The following TMEM236 variants were observed in gnomAD, a reference collection of about 807,000 sequenced individuals.
TMEM236 encodes transmembrane protein 236, also known as family with sequence similarity 23, member A.
A neutral mutation model predicts 14.7 loss-of-function variants in TMEM236; 11 were observed. The ratio of observed to expected loss-of-function variants is 0.75; its 90% CI spans 0.47 to 1.24. The LOEUF (loss-of-function observed/expected upper bound fraction) is 1.24, where lower values mean the gene tolerates loss of function less well. Among genes scored for constraint, TMEM236 ranks in the 50% most tolerant of loss-of-function variants. The probability of loss-of-function intolerance (pLI) is 0.00; values close to 1 mark genes in which losing one functional copy is unlikely to be tolerated. For synonymous variants in TMEM236, 182 were observed against 168.6 expected, an observed-to-expected ratio of 1.08 and a Z score of -0.62; for missense variants, 464 against 427.3, an observed-to-expected ratio of 1.09 and a Z score of -0.76.
At chr10:17,771,485 A>G (rs567423970) in intron 2 of TMEM236, 104 bp downstream of exon 2, 35 of 1,063,888 alleles carry the variant, frequency 3.3e-5, no homozygotes, top group Admixed American at 2.4e-4. Context: ...CTTGACATCT[A>G]TGTAATCCAA....
At chr10:17,766,373 C>A (rs1365503376) in intron 1 of TMEM236, among the ~76,000 whole-genome samples, 1 of 152,154 alleles carries the variant, frequency 6.6e-6, no homozygotes, top group Admixed American at 6.5e-5. Context: ...ATATGTTCCT[C>A]ATTTCCATCT....
intron 3 of TMEM236, among the ~76,000 whole-genome samples, chr10:17,781,763 A>T (rs922469487): frequency 6.6e-6 from 1 of 150,736 alleles, no homozygotes; most frequent in Non-Finnish European, 1.5e-5. Flanking sequence ...AAAAAAAAAA[A>T]AAAGGAAAGA....
At chr10:17,755,701 T>A (rs1837275268) in intron 1 of TMEM236, among the ~76,000 whole-genome samples, 1 of 151,996 alleles carries the variant, frequency 6.6e-6, no homozygotes, top group Non-Finnish European at 1.5e-5. Context: ...GGGTTGGAAT[T>A]TTGAGGGAAT....
intron 1 of TMEM236, among the ~76,000 whole-genome samples, chr10:17,757,925 C>G (rs1034642085): frequency 6.6e-6 from 1 of 151,890 alleles, no homozygotes; most frequent in Non-Finnish European, 1.5e-5. Flanking sequence ...TGCGCCACCA[C>G]GCCTGGCTAA....
Position 17,799,775 on chromosome 10 carries a change from T to C in TMEM236, c.*3271T>C, listed in dbSNP as rs969330591. 33 of 152,668 alleles carry C rather than the reference T, an allele frequency of 2.2e-4. 1 individual carries two copies. Among genetic ancestry groups the C allele is most frequent in the African/African-American group, 6.5e-4 (27 of 41,548 alleles). 9.5% of individuals were successfully genotyped at this position (152,668 alleles called of 1,614,324 possible). ...GCTCAGATAAACTCAAAAGTATTAC[T>C]TGAGTTTAGAATGCATTTTGTATCT... On this transcript the variant is annotated 3_prime_UTR_variant, in exon 4 of 4. Coordinates refer to ENST00000377495, the MANE Select transcript of TMEM236 (RefSeq NM_001098844.3).
chr10:17,777,848 C>T (rs2131754483), intron 3 of TMEM236, among the ~76,000 whole-genome samples: 1 of 152,224 alleles, frequency 6.6e-6, no homozygotes, highest in South Asian at 2.1e-4. Flanking sequence ...AAGCAATTCT[C>T]CTGCCTCAGC....
At position 17,796,079 on chromosome 10, in the gene TMEM236, G is replaced by A; in HGVS notation, c.631G>A (p.Val211Met). ...AGCCATGACACGGAGCCAGGAGTCT[G>A]TGTTCATGGGACCCCAGGAGCCCTC... ...SGAMTRSQESVFMGPQEPSCD... is the reference protein window; with the variant it reads ...SGAMTRSQESMFMGPQEPSCD... Residue 211 changes from valine to methionine, a missense_variant, in exon 4 of 4, where the codon GTG becomes ATG. Coordinates refer to ENST00000377495, the MANE Select transcript of TMEM236 (RefSeq NM_001098844.3). 2 of 1,613,876 alleles carry A rather than the reference G, an allele frequency of 1.2e-6. No homozygotes were observed. Among genetic ancestry groups the A allele is most frequent in the South Asian group, 2.2e-5 (2 of 91,064 alleles).
In TMEM236 at chr10:17,771,329, G is replaced by A; in HGVS notation, c.278G>A (p.Cys93Tyr). The A allele has an allele frequency of 6.2e-7, 1 of 1,613,942 alleles. No individual in the cohort carries two copies. The highest frequency in any genetic ancestry group is 2.2e-5 in the East Asian group (1 of 44,876). Residue 93 changes from cysteine to tyrosine, a missense_variant, in exon 2 of 4, where the codon TGT (cysteine) becomes TAT (tyrosine). Coordinates refer to ENST00000377495, the MANE Select transcript of TMEM236 (RefSeq NM_001098844.3). ...IKGWRPVLMM[C>Y]VVLTTLPCLT... ...GCTAGGAGACCTGTTCTGATGATGT[G>A]TGTGGTCCTCACCACACTGCCCTGC...
Position 17,800,822 on chromosome 10 carries a change from A to G in TMEM236, c.*4318A>G, listed in dbSNP as rs1838082467. The G allele has an allele frequency of 6.6e-6, 1 of 152,252 alleles. No homozygotes were observed. The highest frequency in any genetic ancestry group is 2.4e-5 in the African/African-American group (1 of 41,474). 9.4% of individuals were successfully genotyped at this position (152,252 alleles called of 1,614,324 possible). A position where few individuals can be genotyped will look rare whatever the true frequency, so the allele number is the denominator to read the frequency against. ...AATGGCTAAAGACATTTTGTTTTAC[A>G]ATGGGGCTGTTTTTACATGTTAATT... On this transcript the variant is annotated 3_prime_UTR_variant, in exon 4 of 4. Coordinates refer to ENST00000377495, the MANE Select transcript of TMEM236 (RefSeq NM_001098844.3).
Position 17,776,011 on chromosome 10 carries a change from A to C in TMEM236, c.331-18A>C. 3 of 1,613,818 alleles carry C rather than the reference A, an allele frequency of 1.9e-6. No individual in the cohort carries two copies. In the East Asian group the frequency reaches 6.7e-5, roughly 36 times the overall value. Reference sequence around the variant, plus strand: ...AAGCACAATAATTTAATGCTTGTAAATGGTTTTCTCTAAACAGGTTCAAAA... The same window carrying C: ...AAGCACAATAATTTAATGCTTGTAACTGGTTTTCTCTAAACAGGTTCAAAA... On this transcript the variant is annotated intron_variant, in intron 2 of 3. Coordinates refer to ENST00000377495, the MANE Select transcript of TMEM236 (RefSeq NM_001098844.3).
chr10:17,771,139 G>A (rs1032926574), intron 1 of TMEM236, 170 bp from the exon 2 acceptor site: 9 of 641,892 alleles, frequency 1.4e-5, no homozygotes, highest in Non-Finnish European at 2.5e-5. Flanking sequence ...TGGTTTCTGC[G>A]CGTGTTCCTC....
chr10:17,754,067 G>A (rs886657980), intron 1 of TMEM236, among the ~76,000 whole-genome samples: 3 of 152,162 alleles, frequency 2.0e-5, no homozygotes, highest in African/African-American at 7.2e-5. Flanking sequence ...TAGTAAGACT[G>A]GAGTTTGTGC....
At chr10:17,795,453 C>A (rs71497215) in intron 3 of TMEM236, among the ~76,000 whole-genome samples, 22,324 of 152,082 alleles carry the variant, frequency 0.15, 1,969 homozygotes, top group African/African-American at 0.23. Context: ...TATGTGAAAG[C>A]GTATAGCTTA....
intron 3 of TMEM236, among the ~76,000 whole-genome samples, chr10:17,791,442 A>G (rs1837923662): frequency 6.6e-6 from 1 of 152,178 alleles, no homozygotes; most frequent in Admixed American, 6.5e-5. Flanking sequence ...TGGGCAACAG[A>G]GCAAGACGCT....
chr10:17,752,568 T>C lies in TMEM236; in HGVS notation c.257+16T>C. 1 of 1,610,752 alleles carries C rather than the reference T, an allele frequency of 6.2e-7. No individual in the cohort carries two copies. The highest frequency in any genetic ancestry group is 8.5e-7 in the Non-Finnish European group (1 of 1,177,210). On this transcript the variant is annotated intron_variant, in intron 1 of 3. Transcript: ENST00000377495. ...TTAAAGGATGGTAAGTAAAAGAATT[T>C]TCTTTTTTTTCTTTTTGATTTGGAG... is the stretch of plus-strand genomic sequence containing the variant.
intron 2 of TMEM236, among the ~76,000 whole-genome samples, chr10:17,774,226 A>G (rs1331040925): frequency 2.0e-5 from 3 of 151,640 alleles, no homozygotes; most frequent in Non-Finnish European, 4.4e-5. Flanking sequence ...TGTATTTTTA[A>G]TAGAGATGGG....
intron 1 of TMEM236, among the ~76,000 whole-genome samples, chr10:17,760,040 C>G (rs1438126074): frequency 1.3e-5 from 2 of 148,980 alleles, no homozygotes; most frequent in Non-Finnish European, 3.0e-5. Context: ...TTGAGCACCT[C>G]ACTGCTCCGC....
Position 17,796,036 on chromosome 10 carries a change from G to A in TMEM236, c.588G>A (p.Gln196=), listed in dbSNP as rs1471907669. 3 of 1,613,806 alleles carry A rather than the reference G, an allele frequency of 1.9e-6. No individual in the cohort carries two copies. Among genetic ancestry groups the A allele is most frequent in the Non-Finnish European group, 2.5e-6 (3 of 1,179,868 alleles). ...CTCCCCAGGCAACCAACAGCACCCA[G>A]GTGTCGCAGCCATCAGGAGCCATGA... The part of the protein sequence containing the change: ...AASPQATNST[Q]VSQPSGAMTR... Residue 196 remains glutamine, a synonymous_variant, in exon 4 of 4, where the codon CAG becomes CAA. Coordinates refer to ENST00000377495, the MANE Select transcript of TMEM236 (RefSeq NM_001098844.3).
chr10:17,796,345 A>G lies in TMEM236; in HGVS notation c.897A>G (p.Leu299=). Residue 299 remains leucine (L), a synonymous_variant, in exon 4 of 4, where the codon TTA becomes TTG. Coordinates refer to ENST00000377495, the MANE Select transcript of TMEM236 (RefSeq NM_001098844.3). The stretch of plus-strand genomic sequence containing the variant: ...CCCTGAGCGTCCTGCTGCAAGATTT[A>G]CCATTCGTTTTTGTTAGACTTGGTT... ...LNSLSVLLQD[L]PFVFVRLGLI... 1 of 1,613,894 alleles carries G rather than the reference A, an allele frequency of 6.2e-7. No homozygotes were observed. The highest frequency in any genetic ancestry group is 8.5e-7 in the Non-Finnish European group (1 of 1,179,850).
Sources: gnomAD v4.1 joint callset for allele counts (sites outside exome capture counted in the v4.1 genomes callset) on GRCh38, gnomAD v4.1.1 for gene constraint, MANE v1.5 for transcripts, NCBI Gene and HGNC (gene_info 2026-07-23, HGNC 2026-07-21) for gene names.